Variants in TMEM143 observed in about 807,000 individuals in gnomAD.
TMEM143 encodes the protein transmembrane protein 143.
In TMEM143, 45 loss-of-function variants were observed where a neutral mutation model predicts 40.3. The observed-to-expected ratio is 1.12, with a 90% CI of 0.88 to 1.43. The LOEUF (loss-of-function observed/expected upper bound fraction) is 1.43, where lower values mean the gene tolerates loss of function less well. Ranked by LOEUF, TMEM143 falls within the 40% of genes most tolerant of loss-of-function variation. The pLI is 0.00. For missense variants in TMEM143, 620 were observed against 613.4 expected (o/e 1.01, Z -0.11); for synonymous variants, 299 against 282.7 (o/e 1.06, Z -0.58).
chr19:48,363,226 C>A, intron 2 of TMEM143, 65 bp downstream of exon 2: 2 of 1,543,228 alleles, frequency 1.3e-6, no homozygotes, highest in Non-Finnish European at 1.7e-6. Flanking sequence ...CAACTAGGGC[C>A]CTGCCGCCGC....
chr19:48,351,631 C>G (rs1449734758), intron 3 of TMEM143, among the ~76,000 whole-genome samples: 1 of 152,096 alleles, frequency 6.6e-6, no homozygotes, highest in African/African-American at 2.4e-5. Context: ...TCGCCAGGCT[C>G]TAGCCCCGCA....
rs574878986 is a variant in TMEM143, at chr19:48,340,811, C to T, written c.975+1719G>A. ...GGGTACCACTCTGGGCATTCAAGGC[C>T]CTCACCACCCTCTGGGACTTCCCCT... On this transcript the variant is annotated intron_variant, in intron 6 of 7. Transcript: ENST00000293261. 7.2e-5 allele frequency among the ~76,000 whole-genome samples: 11 copies of T among 152,150 alleles called. No individual in the cohort carries two copies. The East Asian group carries it at 1.7e-3, about 24-fold the overall frequency.
At chr19:48,363,932 CGCATGTGCAGGAGGGCGTCCTGG>C (rs765033012) in exon 1 of TMEM143, 1 of 1,613,064 alleles carries the variant, frequency 6.2e-7, no homozygotes, top group East Asian at 2.2e-5. Context: ...GAGCCTCCTG[CGCATGTGCAGGAGGGCGTCCTGG>C]GCTCCCGAGG....
At chr19:48,351,270 T>C (rs80354418) in intron 3 of TMEM143, among the ~76,000 whole-genome samples, 3,684 of 152,256 alleles carry the variant, frequency 0.024, 156 homozygotes, top group African/African-American at 0.082. Flanking sequence ...CTGGGGGTCA[T>C]CCTGGAGTCT....
intron 3 of TMEM143, among the ~76,000 whole-genome samples, chr19:48,349,486 A>T (rs1016458563): frequency 6.6e-6 from 1 of 152,150 alleles, no homozygotes; most frequent in African/African-American, 2.4e-5. Context: ...GCTACTAAAA[A>T]TACAAAAAAT....
intron 3 of TMEM143, among the ~76,000 whole-genome samples, chr19:48,358,763 T>C (rs575675141): frequency 1.6e-4 from 25 of 152,162 alleles, no homozygotes; most frequent in Non-Finnish European, 2.8e-4. Context: ...CTGCCTCTGA[T>C]AGTCTGTTCC....
At chr19:48,334,426 CTTTCTT>C (rs1969300782) in intron 6 of TMEM143, among the ~76,000 whole-genome samples, 7 of 49,924 alleles carry the variant, frequency 1.4e-4, no homozygotes, top group African/African-American at 2.3e-4. Context: ...CTCTTTCTTT[CTTTCTT>C]TCTTTCTTTC....
Position 48,333,339 on chromosome 19 carries a change from A to G in TMEM143, c.1260T>C (p.His420=), listed in dbSNP as rs1409705767. The change falls in exon 8 of 8, where the codon CAT becomes CAC. Residue 420 remains histidine, a synonymous_variant. Transcript: ENST00000293261. This position sits in a 1 kb window ranked among gnomAD's most constrained non-coding sequence, Gnocchi z 4.1. The stretch of plus-strand genomic sequence containing the variant: ...CCATGCTGGGGGTCAGGGCCTGCAG[A>G]TGCGCCAGGGCCCGAGTTCCGTTGA... The part of the protein sequence containing the change: ...VTFNGTRALA[H]LQALTPSMGL... 1.2e-6 allele frequency: 2 copies of G among 1,609,832 alleles called. No individual in the cohort carries two copies. Among genetic ancestry groups the G allele is most frequent in the Admixed American group, 3.3e-5 (2 of 59,828 alleles).
At chr19:48,334,412 TTC>T (rs977142026) in intron 6 of TMEM143, among the ~76,000 whole-genome samples, 44 of 110,902 alleles carry the variant, frequency 4.0e-4, no homozygotes, top group Admixed American at 8.5e-4. Flanking sequence ...TTCTTTCTTT[TTC>T]TCTCTTTCTT....
Position 48,345,163 on chromosome 19 carries a change from G to C in TMEM143, c.561C>G (p.Val187=). The part of the protein sequence containing the change: ...ALVVHHPQDE[V]QVTVNLDQYV... ...GTTCTCCTAGGGAGCCAAGTACCTG[G>C]ACCTCATCCTGAGGGTGGTGGACCA... Residue 187 remains valine, a synonymous_variant, in exon 4 of 8, where the codon GTC becomes GTG. Coordinates refer to ENST00000293261, the MANE Select transcript of TMEM143 (RefSeq NM_018273.4). 6.2e-7 allele frequency: 1 copy of C among 1,613,134 alleles called. No individual in the cohort carries two copies. Among genetic ancestry groups the C allele is most frequent in the Non-Finnish European group, 8.5e-7 (1 of 1,179,522 alleles).
chr19:48,346,867 C>T (rs530411619), intron 3 of TMEM143, among the ~76,000 whole-genome samples: 14 of 152,252 alleles, frequency 9.2e-5, no homozygotes, highest in Admixed American at 2.6e-4. Context: ...CGTGAGCCAT[C>T]GCACCTGGCC....
intron 3 of TMEM143, among the ~76,000 whole-genome samples, chr19:48,355,816 C>T (rs1969877562): frequency 6.6e-6 from 1 of 152,162 alleles, no homozygotes. Context: ...GGGCCTGGGG[C>T]CACACTGGAT....
At chr19:48,357,771 T>C (rs1969944191) in intron 3 of TMEM143, among the ~76,000 whole-genome samples, 1 of 152,192 alleles carries the variant, frequency 6.6e-6, no homozygotes, top group Non-Finnish European at 1.5e-5. Context: ...ATAATGTCTC[T>C]TGCAGTAATT....
intron 4 of TMEM143, 124 bp from the exon 5 acceptor site, chr19:48,343,575 A>G (rs1400753073): frequency 7.6e-7 from 1 of 1,308,504 alleles, no homozygotes; most frequent in African/African-American, 1.5e-5. Flanking sequence ...CCCATTCACC[A>G]TCTAGGCAGG....
chr19:48,337,412 G>T (rs1969395834), intron 6 of TMEM143, among the ~76,000 whole-genome samples: 1 of 151,918 alleles, frequency 6.6e-6, no homozygotes, highest in South Asian at 2.1e-4. Context: ...GCCAGGCATG[G>T]TGGCGGCGCC....
chr19:48,346,426 C>T (rs183227707), intron 3 of TMEM143, among the ~76,000 whole-genome samples: 17 of 152,224 alleles, frequency 1.1e-4, no homozygotes, highest in Admixed American at 2.6e-4. Flanking sequence ...AATCCTCTGG[C>T]AAGTTCACTT....
At chr19:48,346,819 C>T (rs1184782347) in intron 3 of TMEM143, among the ~76,000 whole-genome samples, 1 of 152,096 alleles carries the variant, frequency 6.6e-6, no homozygotes, top group African/African-American at 2.4e-5. Flanking sequence ...CTCAAGCGAT[C>T]CCCCCACCTC....
chr19:48,346,482 T>G (rs1195150734), intron 3 of TMEM143, among the ~76,000 whole-genome samples: 1 of 152,172 alleles, frequency 6.6e-6, no homozygotes, highest in Non-Finnish European at 1.5e-5. Flanking sequence ...CTCTATCTCC[T>G]TTGCTGCTAT....
rs146170707 is a variant in TMEM143 at position 48,361,763 on chromosome 19, G to A, written c.264+1528C>T. 7.9e-3 allele frequency among the ~76,000 whole-genome samples: 1,191 copies of A among 151,266 alleles called. 8 individuals carry two copies. Among genetic ancestry groups the A allele is most frequent in the South Asian group, 0.02 (94 of 4,786 alleles). The stretch of plus-strand genomic sequence containing the variant: ...AGGATGGTCTCAATCTCCTGACCTC[G>A]TGATCTGCCCGCCTCGGCCTCCCAA... On this transcript the variant is annotated intron_variant, in intron 2 of 7. Coordinates refer to ENST00000293261, the MANE Select transcript of TMEM143 (RefSeq NM_018273.4).
Sources: allele counts gnomAD v4.1 joint callset (sites outside exome capture counted in the v4.1 genomes callset), GRCh38; gene constraint gnomAD v4.1.1; non-coding constraint Gnocchi (gnomAD v3.1); transcripts MANE v1.5; gene names NCBI Gene and HGNC (gene_info 2026-07-23, HGNC 2026-07-21).